MSL1: variants seen among roughly 807,000 people sequenced by gnomAD.
MSL1 encodes the protein MSL complex subunit 1.
Under a neutral mutation model 64.6 loss-of-function variants are expected in MSL1, and 21 were observed. The observed-to-expected ratio is 0.33, with a 90% confidence interval of 0.23 to 0.47. The LOEUF (loss-of-function observed/expected upper bound fraction) is 0.47. Among genes scored for constraint, MSL1 ranks in the 20% least tolerant of loss-of-function variants. The pLI is 1.00. For synonymous variants in MSL1, 339 were observed against 329.6 expected (o/e 1.03, Z -0.31); for missense variants, 664 against 793.2 (o/e 0.84, Z 1.96).
At position 40,122,489 on chromosome 17, in the gene MSL1, G is replaced by C; in HGVS notation, c.-124G>C. ...GGAGGAGCCGCGCTAGCGGAGGCCTGCTGCCGCGCTGCTGAGGCGAGCCCG... is the reference window on the plus strand; with the variant it reads ...GGAGGAGCCGCGCTAGCGGAGGCCTCCTGCCGCGCTGCTGAGGCGAGCCCG... On this transcript the variant is annotated 5_prime_UTR_variant, in exon 1 of 9. Transcript: ENST00000398532. The surrounding 1 kb of genome is among the most constrained non-coding windows in gnomAD (Gnocchi z 4.2). 1 of 655,502 alleles carries C rather than the reference G, an allele frequency of 1.5e-6. No homozygotes were observed. Among genetic ancestry groups the C allele is most frequent in the Non-Finnish European group, 2.2e-6 (1 of 445,196 alleles). The allele number at this position is 655,502 out of a possible 1,614,324, so 40.6% of individuals were successfully genotyped here.
Position 40,126,376 on chromosome 17 carries a change from CAT to C in MSL1, c.963_964del (p.Cys322TrpfsTer8). 6.2e-7 allele frequency: 1 copy of C among 1,614,004 alleles called. No homozygotes were observed. The highest frequency in any genetic ancestry group is 8.5e-7 in the Non-Finnish European group (1 of 1,179,886). On this transcript the variant is annotated frameshift_variant, in exon 2 of 9. Coordinates refer to ENST00000398532, the MANE Select transcript of MSL1 (RefSeq NM_001365919.1). LOFTEE classifies it high-confidence loss of function. ...CAGACTCTGCCTCCCAAGCCCTTCTCATGTGGGCGGAGTGGAAAGGGACATAA... is the reference window on the plus strand; with the variant it reads ...CAGACTCTGCCTCCCAAGCCCTTCTCGTGGGCGGAGTGGAAAGGGACATAA...
chr17:40,133,907 T>C lies in MSL1; in HGVS notation c.1754+8T>C, dbSNP rs780141762. The C allele has an allele frequency of 9.9e-6, 16 of 1,611,872 alleles. No individual in the cohort carries two copies. The African/African-American group carries it at 1.7e-4, about 17-fold the overall frequency. On this transcript the variant is annotated splice_region_variant and intron_variant, in intron 8 of 8. Transcript: ENST00000398532. ...ACCAAAATTAACTCCACAGTAAGTA[T>C]ACATTTTTTTTCTCCCCTTCCAGGT...
Position 40,126,226 on chromosome 17 carries a change from TA to T in MSL1, c.815del (p.Lys272ArgfsTer110). 6.2e-7 allele frequency: 1 copy of T among 1,613,940 alleles called. No homozygotes were observed. The highest frequency in any genetic ancestry group is 1.1e-5 in the South Asian group (1 of 91,082). On this transcript the variant is annotated frameshift_variant, in exon 2 of 9. Transcript: ENST00000398532. LOFTEE classifies it high-confidence loss of function. ...IERMERRMQLVKKDNEKERHK... is the reference protein window; with the variant it reads ...IERMERRMQLXKKDNEKERHK... ...CGTATGGAAAGGCGGATGCAGCTGGTAAAGAAGGATAACGAGAAAGAAAGGC... is the reference window on the plus strand; with the variant it reads ...CGTATGGAAAGGCGGATGCAGCTGGTAAGAAGGATAACGAGAAAGAAAGGC...
Position 40,126,215 on chromosome 17 carries a change from G to T in MSL1, c.801G>T (p.Arg267=), listed in dbSNP as rs1032634850. The stretch of plus-strand genomic sequence containing the variant: ...CTCGGATTGAACGTATGGAAAGGCG[G>T]ATGCAGCTGGTAAAGAAGGATAACG... ...LLARIERMER[R]MQLVKKDNEK... The change falls in exon 2 of 9, where the codon CGG becomes CGT. Residue 267 remains arginine (R), a synonymous_variant. Coordinates refer to ENST00000398532, the MANE Select transcript of MSL1 (RefSeq NM_001365919.1). 3.1e-6 allele frequency: 5 copies of T among 1,614,028 alleles called. No homozygotes were observed. Among genetic ancestry groups the T allele is most frequent in the Non-Finnish European group, 3.4e-6 (4 of 1,179,900 alleles).
rs368270175 is a variant in MSL1 at position 40,133,808 on chromosome 17, G to A, written c.1682-19G>A. The A allele has an allele frequency of 2.7e-5, 44 of 1,613,410 alleles. No homozygotes were observed. Among genetic ancestry groups the A allele is most frequent in the East Asian group, 2.7e-4 (12 of 44,890 alleles). On this transcript the variant is annotated intron_variant, in intron 7 of 8. Coordinates refer to ENST00000398532, the MANE Select transcript of MSL1 (RefSeq NM_001365919.1). The stretch of plus-strand genomic sequence containing the variant: ...CCATCTGTATTACTAATACGCTCCC[G>A]TTTGACTTTCTCCCATAGTTGAAAG...
At chr17:40,128,274 A>T (rs1168216761) in intron 2 of MSL1, among the ~76,000 whole-genome samples, 2 of 152,008 alleles carry the variant, frequency 1.3e-5, no homozygotes, top group East Asian at 3.8e-4. Flanking sequence ...GGGTTGGGGG[A>T]AAAGGAAAGA....
intron 1 of MSL1, chr17:40,124,475 A>G (rs774965900): frequency 6.6e-6 from 1 of 151,686 alleles, no homozygotes; most frequent in African/African-American, 2.4e-5. Flanking sequence ...GCAAGCGGCT[A>G]TTCATTTTGT....
In MSL1 at chr17:40,122,532, C is replaced by G. The variant is rs955226736; in HGVS notation, c.-81C>G. 4.1e-4 allele frequency: 367 copies of G among 897,438 alleles called. 2 individuals are homozygous for G. The highest frequency in any genetic ancestry group is 4.0e-3 in the East Asian group (120 of 29,814). 55.6% of individuals were successfully genotyped at this position (897,438 alleles called of 1,614,324 possible). A position where few individuals can be genotyped will look rare whatever the true frequency, so the allele number is the denominator to read the frequency against. On this transcript the variant is annotated 5_prime_UTR_variant, in exon 1 of 9. Coordinates refer to ENST00000398532, the MANE Select transcript of MSL1 (RefSeq NM_001365919.1). This position sits in a 1 kb window ranked among gnomAD's most constrained non-coding sequence, Gnocchi z 4.2. ...CGAGCCCGCCAAACTCCCCTCCCCC[C>G]CCTCAGTCCTCGACCCCCCGCACCT...
intron 1 of MSL1, 90 bp downstream of exon 1, chr17:40,123,470 G>C: frequency 7.6e-7 from 1 of 1,320,198 alleles, no homozygotes; most frequent in Non-Finnish European, 1.0e-6. Context: ...AGGCACCCCC[G>C]GGTTAGGGGT....
chr17:40,122,179 G>C lies in MSL1; in HGVS notation c.-434G>C, dbSNP rs911047489. On this transcript the variant is annotated 5_prime_UTR_variant, in exon 1 of 9. Transcript: ENST00000398532. This position sits in a 1 kb window ranked among gnomAD's most constrained non-coding sequence, Gnocchi z 4.2. ...TCCACCCCCTCCTGAGGAGGAGGGG[G>C]GGGAAATGGAGGCTCGGGGCGGTTG... The C allele has an allele frequency of 6.6e-6, 1 of 150,446 alleles. No homozygotes were observed. Among genetic ancestry groups the C allele is most frequent in the Non-Finnish European group, 1.5e-5 (1 of 67,348 alleles). 9.3% of individuals were successfully genotyped at this position (150,446 alleles called of 1,614,324 possible).
rs1335482393 is a variant in MSL1 at position 40,131,864 on chromosome 17, G to A, written c.1424-170G>A. 3.2e-6 allele frequency: 2 copies of A among 621,012 alleles called. No individual in the cohort carries two copies. The highest frequency in any genetic ancestry group is 5.6e-6 in the Non-Finnish European group (2 of 354,044). The allele number at this position is 621,012 out of a possible 1,614,324, so 38.5% of individuals were successfully genotyped here. A position where few individuals can be genotyped will look rare whatever the true frequency, so the allele number is the denominator to read the frequency against. On this transcript the variant is annotated intron_variant, in intron 4 of 8. Coordinates refer to ENST00000398532, the MANE Select transcript of MSL1 (RefSeq NM_001365919.1). The surrounding 1 kb of genome is among the most constrained non-coding windows in gnomAD (Gnocchi z 4.5). ...GCATTTTAGGTTCTTTTATACCATA[G>A]CAAGGACACTGAATATGGCTTCAGG...
chr17:40,130,791 C>T (rs1241813409), intron 3 of MSL1: 1 of 152,190 alleles, frequency 6.6e-6, no homozygotes, highest in South Asian at 2.1e-4. Context: ...AATGGTTAAC[C>T]TCTTTTGCTG....
In MSL1 at chr17:40,133,884, C is replaced by T; in HGVS notation, c.1739C>T (p.Pro580Leu). The change falls in exon 8 of 9, where the codon CCA becomes CTA. Residue 580 changes from proline (P) to leucine (L), a missense_variant. Coordinates refer to ENST00000398532, the MANE Select transcript of MSL1 (RefSeq NM_001365919.1). ...LPVVAFGRPL[P>L]KLTPQNFELP... ...GTTGTAGCATTTGGACGACCATTAC[C>T]AAAATTAACTCCACAGTAAGTATAC... 6.2e-7 allele frequency: 1 copy of T among 1,613,662 alleles called. No homozygotes were observed. Among genetic ancestry groups the T allele is most frequent in the Non-Finnish European group, 8.5e-7 (1 of 1,179,640 alleles).
intron 1 of MSL1, 117 bp downstream of exon 1, chr17:40,123,497 C>T (rs550647725): frequency 5.4e-6 from 5 of 932,754 alleles, no homozygotes; most frequent in East Asian, 2.7e-5. Flanking sequence ...GGTTGGCCAC[C>T]GGCAAAGGAG....
Position 40,123,383 on chromosome 17 carries a change from A to G in MSL1, c.768+3A>G. 2.0e-6 allele frequency: 3 copies of G among 1,535,780 alleles called. No homozygotes were observed. The highest frequency in any genetic ancestry group is 2.6e-6 in the Non-Finnish European group (3 of 1,146,616). ...AGCTGAAGTCAGAGAGAGACACGGT[A>G]CGGGAGGGGTTAATCTGCATTCGGG... is the stretch of plus-strand genomic sequence containing the variant. On this transcript the variant is annotated splice_donor_region_variant and intron_variant, in intron 1 of 8. Coordinates refer to ENST00000398532, the MANE Select transcript of MSL1 (RefSeq NM_001365919.1).
chr17:40,123,191 G>A lies in MSL1; in HGVS notation c.579G>A (p.Ala193=), dbSNP rs1251027041. 3 of 1,535,294 alleles carry A rather than the reference G, an allele frequency of 2.0e-6. No individual in the cohort carries two copies. Among genetic ancestry groups the A allele is most frequent in the East Asian group, 4.9e-5 (2 of 40,898 alleles). The stretch of plus-strand genomic sequence containing the variant: ...CCACCGCCACCGCCGGGACCCTGGC[G>A]GCCAGCGAGGGCAGATGGAAGAGTA... ...LAPTATAGTL[A]ASEGRWKSMR... The change falls in exon 1 of 9, where the codon GCG becomes GCA. Residue 193 remains alanine, a synonymous_variant. Transcript: ENST00000398532.
Position 40,123,098 on chromosome 17 carries a change from C to T in MSL1, c.486C>T (p.Pro162=). 2.6e-6 allele frequency: 4 copies of T among 1,529,476 alleles called. No homozygotes were observed. Among genetic ancestry groups the T allele is most frequent in the Non-Finnish European group, 3.5e-6 (4 of 1,144,336 alleles). 94.7% of individuals were successfully genotyped at this position (1,529,476 alleles called of 1,614,324 possible). A position where few individuals can be genotyped will look rare whatever the true frequency, so the allele number is the denominator to read the frequency against. The change falls in exon 1 of 9, where the codon CCC becomes CCT. Residue 162 remains proline (P), a synonymous_variant. Transcript: ENST00000398532. ...GGGACAAGGGTGGGGCGGCCTCCCC[C>T]GCTGCCACCGCCTCGGACCCGGCGG... The part of the protein sequence containing the change: ...WAGDKGGAAS[P]AATASDPAGP...
At chr17:40,132,144 A>G in intron 5 of MSL1, 46 bp downstream of exon 5, 2 of 1,350,934 alleles carry the variant, frequency 1.5e-6, no homozygotes, top group Non-Finnish European at 2.1e-6. Context: ...GAGATTAAAT[A>G]GAATGTGAGG....
Position 40,131,631 on chromosome 17 carries a change from G to A in MSL1, c.1423+47G>A. 2 of 1,547,874 alleles carry A rather than the reference G, an allele frequency of 1.3e-6. No homozygotes were observed. The highest frequency in any genetic ancestry group is 1.7e-5 in the Admixed American group (1 of 59,884). On this transcript the variant is annotated intron_variant, in intron 4 of 8. Coordinates refer to ENST00000398532, the MANE Select transcript of MSL1 (RefSeq NM_001365919.1). This position sits in a 1 kb window ranked among gnomAD's most constrained non-coding sequence, Gnocchi z 4.5. Reference sequence around the variant, plus strand: ...CTGGCTGGGCCTGGGGTGGGGGTTGGTGGGATGGTGGATGGTTGGGAGCTG... The same window carrying A: ...CTGGCTGGGCCTGGGGTGGGGGTTGATGGGATGGTGGATGGTTGGGAGCTG...
Sources: allele counts gnomAD v4.1 joint callset (sites outside exome capture counted in the v4.1 genomes callset), GRCh38; gene constraint gnomAD v4.1.1; non-coding constraint Gnocchi (gnomAD v3.1); transcripts MANE v1.5; gene names NCBI Gene and HGNC (gene_info 2026-07-23, HGNC 2026-07-21).